Variants in NUP98 observed in about 807,000 individuals in gnomAD.
NUP98 encodes the protein nuclear pore complex protein Nup98-Nup96.
Under a neutral mutation model 191.9 loss-of-function variants are expected in NUP98, and 26 were observed. That is an observed-to-expected ratio of 0.14 (90% CI 0.10 to 0.19). The LOEUF (loss-of-function observed/expected upper bound fraction) is 0.19, where lower values mean the gene tolerates loss of function less well. NUP98 is among the 10% of genes least tolerant of loss of function. The pLI, the probability that NUP98 is intolerant of heterozygous loss-of-function variation, is 1.00. For missense variants in NUP98, 1,941 were observed against 2,178.8 expected, an observed-to-expected ratio of 0.89 and a Z score of 2.17; for synonymous variants, 808 against 778.4, an observed-to-expected ratio of 1.04 and a Z score of -0.63.
intron 18 of NUP98, among the ~76,000 whole-genome samples, chr11:3,714,318 G>C (rs532043671): frequency 2.0e-5 from 3 of 152,274 alleles, no homozygotes; most frequent in Admixed American, 1.3e-4. Context: ...TACGAACCAA[G>C]TCTTATGCAG....
intron 12 of NUP98, among the ~76,000 whole-genome samples, chr11:3,743,722 C>A (rs925190594): frequency 2.0e-5 from 3 of 150,608 alleles, no homozygotes; most frequent in African/African-American, 7.3e-5. Context: ...TGGACCCTGG[C>A]AAAGTCTGGA....
intron 18 of NUP98, among the ~76,000 whole-genome samples, chr11:3,716,086 T>A: frequency 6.6e-6 from 1 of 152,350 alleles, no homozygotes; most frequent in South Asian, 2.1e-4. Flanking sequence ...TGATATAGTG[T>A]CATTTGTCTA....
intron 20 of NUP98, among the ~76,000 whole-genome samples, chr11:3,709,830 G>A (rs1354640503): frequency 1.7e-4 from 1 of 5,816 alleles, no homozygotes; most frequent in African/African-American, 4.3e-4. Flanking sequence ...TGGGGGGAGG[G>A]GGGAGGGGGG....
chr11:3,780,453 A>G (rs924079971), intron 2 of NUP98, among the ~76,000 whole-genome samples: 9 of 149,368 alleles, frequency 6.0e-5, no homozygotes, highest in African/African-American at 2.2e-4. Flanking sequence ...GAGGCAGGAG[A>G]ATTGCTTAAA....
At chr11:3,777,456 A>G (rs563926944) in intron 4 of NUP98, among the ~76,000 whole-genome samples, 1 of 152,060 alleles carries the variant, frequency 6.6e-6, no homozygotes. Flanking sequence ...CCCCATCTCT[A>G]CTAAAAATAC....
intron 12 of NUP98, among the ~76,000 whole-genome samples, chr11:3,739,106 T>C (rs1300756903): frequency 6.6e-6 from 1 of 152,186 alleles, no homozygotes; most frequent in Non-Finnish European, 1.5e-5. Context: ...TAATATTAAC[T>C]AAATTCTTGT....
At chr11:3,712,313 C>G in intron 20 of NUP98, 1 of 1,283,392 alleles carries the variant, frequency 7.8e-7, no homozygotes. Flanking sequence ...TGAGAGAGAA[C>G]AAAGGGTTTA....
Position 3,736,394 on chromosome 11 carries a change from A to G in NUP98, c.1409-1070T>C, listed in dbSNP as rs946045980. Among the ~76,000 whole-genome samples the G allele has an allele frequency of 3.9e-5, 6 of 152,188 alleles. No homozygotes were observed. In the South Asian group the frequency reaches 8.3e-4, roughly 21 times the overall value. On this transcript the variant is annotated intron_variant, in intron 12 of 32. Coordinates refer to ENST00000324932, the MANE Select transcript of NUP98 (RefSeq NM_016320.5). ...AGTTGTAGGCGGGGTGCAGTGGCTCATGCCTGTAATCCCAGCACTGGGAGG... is the reference window on the plus strand; with the variant it reads ...AGTTGTAGGCGGGGTGCAGTGGCTCGTGCCTGTAATCCCAGCACTGGGAGG...
In NUP98 at chr11:3,691,434, C is replaced by T. The variant is rs369589433; in HGVS notation, c.4367G>A (p.Gly1456Asp). The change falls in exon 28 of 33, where the codon GGT becomes GAT. Residue 1456 changes from glycine to aspartate, a missense_variant. Gly to Asp is a moderately conservative substitution (Grantham distance 94). Coordinates refer to ENST00000324932, the MANE Select transcript of NUP98 (RefSeq NM_016320.5). ...ACSPLPSYLE[G>D]SGCVIAEEQN... is the part of the protein sequence containing the mutation. ...CTCCTCCGCTATCACACAGCCAGAA[C>T]CCTCCAGATACGAAGGAAGTGGGGA... is the stretch of plus-strand genomic sequence containing the variant. The T allele has an allele frequency of 1.4e-5, 22 of 1,614,166 alleles. No homozygotes were observed. The highest frequency in any genetic ancestry group is 2.2e-5 in the South Asian group (2 of 91,074).
intron 12 of NUP98, among the ~76,000 whole-genome samples, chr11:3,742,679 A>G: frequency 7.1e-6 from 1 of 141,022 alleles, no homozygotes; most frequent in East Asian, 2.3e-4. Context: ...AGCCTAGGAG[A>G]TAGAGCAAGA....
chr11:3,771,602 C>A, intron 7 of NUP98, 146 bp downstream of exon 7: 1 of 657,486 alleles, frequency 1.5e-6, no homozygotes, highest in Non-Finnish European at 2.6e-6. Flanking sequence ...CCTTTCCCCA[C>A]ATACATCCAG....
intron 1 of NUP98, among the ~76,000 whole-genome samples, chr11:3,785,155 A>T (rs74492404): frequency 7.6e-6 from 1 of 130,786 alleles, no homozygotes; most frequent in African/African-American, 2.6e-5. Context: ...ATAAATGAAT[A>T]AAAAAAAAAA....
chr11:3,716,346 T>G (rs944137786), intron 18 of NUP98, among the ~76,000 whole-genome samples: 6 of 152,112 alleles, frequency 3.9e-5, no homozygotes, highest in Non-Finnish European at 8.8e-5. Context: ...TAATTTTTTT[T>G]TTTTTTAGTT....
At chr11:3,718,540 GAAGAAAGAAAGAAAAGA>G (rs1368660258) in intron 18 of NUP98, among the ~76,000 whole-genome samples, 16 of 151,132 alleles carry the variant, frequency 1.1e-4, no homozygotes, top group Admixed American at 9.9e-4. Context: ...TGTCTCAAAA[GAAGAAAGAAAGAAAAGA>G]AAGAAAGAAG....
At chr11:3,686,336 T>G (rs2078131838) in intron 28 of NUP98, 142 bp from the exon 29 acceptor site, 1 of 694,796 alleles carries the variant, frequency 1.4e-6, no homozygotes, top group African/African-American at 1.8e-5. Context: ...TGAGCCTATG[T>G]TTTATCAATC....
chr11:3,687,131 A>G (rs892423372), intron 28 of NUP98, among the ~76,000 whole-genome samples: 2 of 152,106 alleles, frequency 1.3e-5, no homozygotes, highest in Non-Finnish European at 2.9e-5. Flanking sequence ...ATGGGGTCTC[A>G]TTATATTGCC....
chr11:3,699,012 C>G, intron 25 of NUP98, 70 bp downstream of exon 25: 1 of 1,547,044 alleles, frequency 6.5e-7, no homozygotes, highest in Non-Finnish European at 8.8e-7. Flanking sequence ...GCACAATTAG[C>G]GGGGAGCGGT....
At chr11:3,734,286 G>A (rs1405509830) in intron 13 of NUP98, among the ~76,000 whole-genome samples, 1 of 152,168 alleles carries the variant, frequency 6.6e-6, no homozygotes, top group East Asian at 1.9e-4. Context: ...ACCCGCCTCG[G>A]ACTCCCAGAG....
intron 18 of NUP98, among the ~76,000 whole-genome samples, chr11:3,714,575 C>T (rs542822422): frequency 6.6e-6 from 1 of 152,228 alleles, no homozygotes; most frequent in East Asian, 1.9e-4. Flanking sequence ...TTTCCTGCTT[C>T]CCGGAGCCCC....
Sources: allele counts gnomAD v4.1 joint callset (sites outside exome capture counted in the v4.1 genomes callset), GRCh38; gene constraint gnomAD v4.1.1; transcripts MANE v1.5; gene names NCBI Gene and HGNC (gene_info 2026-07-23, HGNC 2026-07-21).